The following ADGRB1 variants were observed in gnomAD, a reference collection of about 807,000 sequenced individuals.
ADGRB1 encodes the protein brain-specific angiogenesis inhibitor 1.
Under a neutral mutation model 175.7 loss-of-function variants are expected in ADGRB1, and 36 were observed. The observed-to-expected ratio is 0.20, with a 90% CI of 0.16 to 0.27. The LOEUF (loss-of-function observed/expected upper bound fraction) is 0.27. Ranked by LOEUF, ADGRB1 falls within the 10% of genes least tolerant of loss-of-function variation. The pLI is 1.00. For synonymous variants in ADGRB1, 1,054 were observed against 979.4 expected, an observed-to-expected ratio of 1.08 and a Z score of -1.42; for missense variants, 1,731 against 2,255.3, an observed-to-expected ratio of 0.77 and a Z score of 4.71.
At position 142,481,270 on chromosome 8, in the gene ADGRB1, G is replaced by C. The variant is rs754733336; in HGVS notation, c.1845G>C (p.Arg615=). The part of the protein sequence containing the change: ...PRNATGLILR[R]CELDEEGIAY... ...TCTCCCCAGGACTCATCCTGCGACG[G>C]TGTGAGCTGGACGAGGAAGGCATCG... Residue 615 remains arginine, a synonymous_variant, in exon 10 of 31, where the codon CGG becomes CGC. Transcript: ENST00000517894. 12 of 1,613,810 alleles carry C rather than the reference G, an allele frequency of 7.4e-6. No homozygotes were observed. In the South Asian group the frequency reaches 1.2e-4, roughly 16 times the overall value.
At chr8:142,467,651 G>T (rs544830334) in intron 2 of ADGRB1, among the ~76,000 whole-genome samples, 1 of 152,304 alleles carries the variant, frequency 6.6e-6, no homozygotes. Flanking sequence ...GGGCCAGGGT[G>T]GGGCAATGGA....
At chr8:142,487,924 G>A (rs372185548) in intron 13 of ADGRB1, among the ~76,000 whole-genome samples, 19 of 152,322 alleles carry the variant, frequency 1.2e-4, no homozygotes, top group African/African-American at 2.6e-4. Context: ...GAGGGGAGGC[G>A]GGATCAGCTC....
chr8:142,510,640 C>G lies in ADGRB1; in HGVS notation c.2676-292C>G, dbSNP rs1843042953. Among the ~76,000 whole-genome samples the G allele has an allele frequency of 6.9e-6, 1 of 145,858 alleles. No individual in the cohort carries two copies. The highest frequency in any genetic ancestry group is 2.5e-5 in the African/African-American group (1 of 40,678). On this transcript the variant is annotated intron_variant, in intron 17 of 30. Coordinates refer to ENST00000517894, the MANE Select transcript of ADGRB1 (RefSeq NM_001702.3). This position sits in a 1 kb window ranked among gnomAD's most constrained non-coding sequence, Gnocchi z 6.3. ...GCGACTGCCGGGCCCCGGGCCAGCT[C>G]TCGCCCCCCGCCCCGCCCCCGATCG...
chr8:142,512,006 G>A (rs552575839), intron 18 of ADGRB1, among the ~76,000 whole-genome samples: 8 of 152,220 alleles, frequency 5.3e-5, no homozygotes, highest in South Asian at 2.1e-4. Context: ...AGAAGGTAGC[G>A]CCTAGCCTCT....
At position 142,542,698 on chromosome 8, in the gene ADGRB1, A is replaced by G; in HGVS notation, c.4413+51A>G. On this transcript the variant is annotated intron_variant, in intron 28 of 30. Coordinates refer to ENST00000517894, the MANE Select transcript of ADGRB1 (RefSeq NM_001702.3). This position sits in a 1 kb window ranked among gnomAD's most constrained non-coding sequence, Gnocchi z 6.3. Reference sequence around the variant, plus strand: ...CCCCAGCCAGCGAGGGCAGGGCTGCAGCAGCTGGGTCACCCCTGCTGGGTG... The same window carrying G: ...CCCCAGCCAGCGAGGGCAGGGCTGCGGCAGCTGGGTCACCCCTGCTGGGTG... 2 of 1,473,218 alleles carry G rather than the reference A, an allele frequency of 1.4e-6. No homozygotes were observed. 91.3% of individuals were successfully genotyped at this position (1,473,218 alleles called of 1,614,324 possible). A position where few individuals can be genotyped will look rare whatever the true frequency, so the allele number is the denominator to read the frequency against.
chr8:142,481,458 G>A lies in ADGRB1; in HGVS notation c.1936-59G>A, dbSNP rs1587305184. 2.5e-6 allele frequency: 4 copies of A among 1,581,620 alleles called. No homozygotes were observed. The South Asian group carries it at 3.4e-5, about 13-fold the overall frequency. The stretch of plus-strand genomic sequence containing the variant: ...GGGTCCTAGGCATGGGAGATCCTGG[G>A]TGGCTGCCTGGACATGTTCCACAGA... On this transcript the variant is annotated intron_variant, in intron 10 of 30. Transcript: ENST00000517894.
intron 17 of ADGRB1, among the ~76,000 whole-genome samples, chr8:142,495,351 G>T (rs1842165046): frequency 6.6e-6 from 1 of 151,528 alleles, no homozygotes; most frequent in Admixed American, 6.6e-5. Context: ...CTAGAGACAG[G>T]GGTGGATGGA....
Position 142,464,807 on chromosome 8 carries a change from G to A in ADGRB1, c.609G>A (p.Ser203=), listed in dbSNP as rs910352892. ...CGTGTCTGGCCGGTAGTCGCAGCTC[G>A]CACCCCTGCGGGATCATGCAGACCC... ...LDACLAGSRS[S]HPCGIMQTPC... The change falls in exon 2 of 31, where the codon TCG becomes TCA. Residue 203 remains serine (S), a synonymous_variant. Coordinates refer to ENST00000517894, the MANE Select transcript of ADGRB1 (RefSeq NM_001702.3). The A allele has an allele frequency of 6.5e-7, 1 of 1,534,708 alleles. No homozygotes were observed. The highest frequency in any genetic ancestry group is 8.7e-7 in the Non-Finnish European group (1 of 1,145,540).
intron 9 of ADGRB1, among the ~76,000 whole-genome samples, 172 bp downstream of exon 9, chr8:142,479,966 CTG>C (rs1428179384): frequency 3.1e-4 from 47 of 152,350 alleles, no homozygotes; most frequent in African/African-American, 1.1e-3. Context: ...TGTGAGAACT[CTG>C]TGGCAGCTGC....
At chr8:142,450,560 C>A (rs1433556547) in intron 1 of ADGRB1, among the ~76,000 whole-genome samples, 1 of 152,080 alleles carries the variant, frequency 6.6e-6, no homozygotes, top group Non-Finnish European at 1.5e-5. Context: ...ACGCAGCAGG[C>A]TCCGGAGAGC....
At chr8:142,465,028 CAGGGGAGGCGGGCAGACAG>C (rs1840186274) in intron 2 of ADGRB1, 46 bp downstream of exon 2, 2 of 835,314 alleles carry the variant, frequency 2.4e-6, no homozygotes, top group Non-Finnish European at 3.0e-6. Flanking sequence ...GGTGGGCAGA[CAGGGGAGGCGGGCAGACAG>C]GGGAGGCGGG....
intron 2 of ADGRB1, among the ~76,000 whole-genome samples, chr8:142,468,170 C>A (rs1394986309): frequency 6.6e-6 from 1 of 151,888 alleles, no homozygotes; most frequent in Non-Finnish European, 1.5e-5. Flanking sequence ...TGTGCTCATG[C>A]ATATATGTGG....
intron 17 of ADGRB1, among the ~76,000 whole-genome samples, chr8:142,500,306 C>T (rs1442316748): frequency 1.0e-4 from 7 of 66,854 alleles, no homozygotes; most frequent in East Asian, 4.7e-4. Flanking sequence ...GCTCCTCCAC[C>T]TCCCCACGCG....
chr8:142,461,300 G>C (rs2131657861), intron 1 of ADGRB1, among the ~76,000 whole-genome samples: 1 of 151,670 alleles, frequency 6.6e-6, no homozygotes. Flanking sequence ...CTGTAACAGG[G>C]TGCCTCAGTG....
At position 142,537,642 on chromosome 8, in the gene ADGRB1, C is replaced by T. The variant is rs1338281672; in HGVS notation, c.3666+560C>T. Among the ~76,000 whole-genome samples the T allele has an allele frequency of 6.6e-6, 1 of 152,134 alleles. No homozygotes were observed. The highest frequency in any genetic ancestry group is 2.4e-5 in the African/African-American group (1 of 41,424). On this transcript the variant is annotated intron_variant, in intron 26 of 30. Transcript: ENST00000517894. The surrounding 1 kb of genome is among the most constrained non-coding windows in gnomAD (Gnocchi z 4.6). Reference sequence around the variant, plus strand: ...GCCTTCACCCTCTCTGGGCTCTCTGCCCTCCCCCTGCCCATCCTGGTGTCC... The same window carrying T: ...GCCTTCACCCTCTCTGGGCTCTCTGTCCTCCCCCTGCCCATCCTGGTGTCC...
Position 142,464,071 on chromosome 8 carries a change from T to TG in ADGRB1, c.-128_-127insG. ...TCACCTGAAGCGGGGCCCTCTCCCATCCCACCCTTGCCCCGCCTCCCTGCC... is the reference window on the plus strand; with the variant it reads ...TCACCTGAAGCGGGGCCCTCTCCCATGCCCACCCTTGCCCCGCCTCCCTGCC... On this transcript the variant is annotated 5_prime_UTR_variant, in exon 2 of 31. It adds an upstream start codon to the 5' untranslated region. Transcript: ENST00000517894. 2.3e-6 allele frequency: 1 copy of TG among 437,412 alleles called. No individual in the cohort carries two copies. The highest frequency in any genetic ancestry group is 3.2e-6 in the Non-Finnish European group (1 of 309,274). 27.1% of individuals were successfully genotyped at this position (437,412 alleles called of 1,614,324 possible).
At chr8:142,490,658 A>G in intron 16 of ADGRB1, 114 bp from the exon 17 acceptor site, 1 of 1,254,822 alleles carries the variant, frequency 8.0e-7, no homozygotes, top group South Asian at 1.3e-5. Context: ...CTGTTCAGGG[A>G]CCCGCACAGG....
At position 142,488,380 on chromosome 8, in the gene ADGRB1, G is replaced by A. The variant is rs780336782; in HGVS notation, c.2325G>A (p.Lys775=). Residue 775 remains lysine, a synonymous_variant, in exon 14 of 31, where the codon AAG becomes AAA. Transcript: ENST00000517894. ...VTDNLVLSIH[K]LPASGATDIS... ...TGCTCCCAGTTCTCAGCATCCATAA[G>A]CTCCCAGCCAGCGGAGCCACTGACA... 3.1e-6 allele frequency: 5 copies of A among 1,612,918 alleles called. No individual in the cohort carries two copies. In the South Asian group the frequency reaches 4.4e-5, roughly 14 times the overall value.
intron 18 of ADGRB1, among the ~76,000 whole-genome samples, chr8:142,513,402 C>A (rs572406670): frequency 1.3e-5 from 2 of 152,310 alleles, no homozygotes; most frequent in African/African-American, 4.8e-5. Flanking sequence ...CCCCTTGGGG[C>A]CTTCCTGTCC....
Sources: allele counts gnomAD v4.1 joint callset (sites outside exome capture counted in the v4.1 genomes callset), GRCh38; gene constraint gnomAD v4.1.1; non-coding constraint Gnocchi (gnomAD v3.1); transcripts MANE v1.5; gene names NCBI Gene and HGNC (gene_info 2026-07-23, HGNC 2026-07-21).